Variants in ZNF385D observed in about 807,000 individuals in gnomAD.
ZNF385D encodes zinc finger protein 659.
ZNF385D carries 15 observed loss-of-function variants against 35.8 expected under a neutral mutation model. The observed-to-expected ratio is 0.42, with a 90% confidence interval of 0.28 to 0.64. The LOEUF is 0.64. Ranked by LOEUF, ZNF385D falls within the 30% of genes least tolerant of loss-of-function variation. ZNF385D has a pLI of 0.23. For synonymous variants in ZNF385D, 212 were observed against 186.8 expected, an observed-to-expected ratio of 1.13 and a Z score of -1.10; for missense variants, 474 against 494.6, an observed-to-expected ratio of 0.96 and a Z score of 0.39.
intron 1 of ZNF385D, among the ~76,000 whole-genome samples, chr3:21,689,846 G>C (rs895008888): frequency 2.8e-5 from 4 of 145,170 alleles, no homozygotes; most frequent in African/African-American, 7.7e-5. Context: ...AATATTCTCA[G>C]ATTAAATTGA....
At chr3:22,144,572 C>CAAAA (rs10536394) in intron 3 of ZNF385D, among the ~76,000 whole-genome samples, 2 of 67,546 alleles carry the variant, frequency 3.0e-5, no homozygotes, top group East Asian at 5.3e-4. Context: ...GACTCCATTT[C>CAAAA]AAAAAAAAAA....
intron 3 of ZNF385D, among the ~76,000 whole-genome samples, chr3:22,158,009 T>C (rs1705701395): frequency 6.6e-6 from 1 of 152,108 alleles, no homozygotes; most frequent in African/African-American, 2.4e-5. Flanking sequence ...CAAAGTCAGC[T>C]TTACAAGCGA....
At chr3:22,335,902 G>A (rs1695139752) in intron 2 of ZNF385D, among the ~76,000 whole-genome samples, 1 of 152,070 alleles carries the variant, frequency 6.6e-6, no homozygotes, top group Non-Finnish European at 1.5e-5. Flanking sequence ...ACATCTGGGT[G>A]TTTAGTATAA....
chr3:21,755,908 G>A (rs1559589888), upstream of ZNF385D, among the ~76,000 whole-genome samples: 1 of 152,186 alleles, frequency 6.6e-6, no homozygotes, highest in Non-Finnish European at 1.5e-5. Context: ...GTGCCAGGAA[G>A]AACAACAAGG....
chr3:21,921,222 C>CAAAA (rs11387962), intron 3 of ZNF385D, among the ~76,000 whole-genome samples: 1,446 of 68,414 alleles, frequency 0.021, 72 homozygotes, highest in East Asian at 0.063. Context: ...GACTCCATCT[C>CAAAA]AAAAAAAAAA....
In ZNF385D at chr3:21,811,154, T is replaced by A. The variant is rs191338709; in HGVS notation, c.326-146126A>T. Among the ~76,000 whole-genome samples, 92 of 152,202 alleles carry A rather than the reference T, an allele frequency of 6.0e-4. 1 individual carries two copies. The highest frequency in any genetic ancestry group is 4.1e-4 in the South Asian group (2 of 4,832). Reference sequence around the variant, plus strand: ...AAATCTTAAATCAGAATTGAAAATATCCGTATAAACTCATTGTATTCTGTT... The same window carrying A: ...AAATCTTAAATCAGAATTGAAAATAACCGTATAAACTCATTGTATTCTGTT... On this transcript the variant is annotated intron_variant, in intron 3 of 5. Transcript: ENST00000494108.
chr3:21,600,445 C>G (rs1358554019), intron 2 of ZNF385D, among the ~76,000 whole-genome samples: 1 of 152,154 alleles, frequency 6.6e-6, no homozygotes, highest in Non-Finnish European at 1.5e-5. Flanking sequence ...AACGATGCCT[C>G]TCAATAACAT....
chr3:22,225,918 C>A (rs774338533), intron 2 of ZNF385D, among the ~76,000 whole-genome samples: 5 of 152,122 alleles, frequency 3.3e-5, no homozygotes, highest in Non-Finnish European at 5.9e-5. Flanking sequence ...TTGTTGTGCA[C>A]GTGTGCACAT....
At chr3:22,261,681 G>A (rs539000812) in intron 2 of ZNF385D, among the ~76,000 whole-genome samples, 1 of 151,852 alleles carries the variant, frequency 6.6e-6, no homozygotes, top group Non-Finnish European at 1.5e-5. Context: ...ACCTGAAGGT[G>A]GGGGGATGCG....
chr3:22,005,048 C>G (rs1679251), intron 3 of ZNF385D, among the ~76,000 whole-genome samples: 53,461 of 104,500 alleles, frequency 0.51, 13,524 homozygotes, highest in African/African-American at 0.6. Context: ...ACTCAAACCA[C>G]TCAGCAGCAA....
chr3:21,630,709 T>G (rs953109632), intron 2 of ZNF385D, among the ~76,000 whole-genome samples: 1 of 152,156 alleles, frequency 6.6e-6, no homozygotes, highest in African/African-American at 2.4e-5. Flanking sequence ...CTAATCATTT[T>G]TCTCATCAGA....
intron 4 of ZNF385D, among the ~76,000 whole-genome samples, chr3:21,504,993 G>T (rs1482902270): frequency 6.6e-6 from 1 of 152,108 alleles, no homozygotes; most frequent in East Asian, 1.9e-4. Context: ...GATCTACAAG[G>T]CCAGGATGTG....
In ZNF385D at chr3:21,436,966, T is replaced by C; in HGVS notation, c.673+4A>G. On this transcript the variant is annotated splice_donor_region_variant and intron_variant, in intron 5 of 7. Coordinates refer to ENST00000281523, the MANE Select transcript of ZNF385D (RefSeq NM_024697.3). ...GAAACAAAAAAGAAATCGCTGCATC[T>C]CACCACTGTTGTGCGCCTCCAGCTG... 1 of 1,612,076 alleles carries C rather than the reference T, an allele frequency of 6.2e-7. No individual in the cohort carries two copies. The highest frequency in any genetic ancestry group is 8.5e-7 in the Non-Finnish European group (1 of 1,178,840).
At chr3:22,186,019 A>G (rs1695607051) in intron 2 of ZNF385D, among the ~76,000 whole-genome samples, 2 of 152,170 alleles carry the variant, frequency 1.3e-5, no homozygotes, top group Non-Finnish European at 2.9e-5. Context: ...ATATTTTACT[A>G]AAATTGTAAA....
At chr3:21,939,283 C>T (rs1279026764) in intron 3 of ZNF385D, among the ~76,000 whole-genome samples, 2 of 152,116 alleles carry the variant, frequency 1.3e-5, no homozygotes, top group Non-Finnish European at 2.9e-5. Flanking sequence ...AACATAATTG[C>T]ATTTAGTCAG....
Position 21,663,888 on chromosome 3 carries a change from C to T in ZNF385D, c.165+998G>A, listed in dbSNP as rs71310271. 1.8e-4 allele frequency among the ~76,000 whole-genome samples: 7 copies of T among 38,804 alleles called. 1 individual carries two copies. The highest frequency in any genetic ancestry group is 7.1e-4 in the African/African-American group (6 of 8,412). 25.5% of individuals were successfully genotyped at this position (38,804 alleles called of 152,430 possible). On this transcript the variant is annotated intron_variant, in intron 2 of 7. Coordinates refer to ENST00000281523, the MANE Select transcript of ZNF385D (RefSeq NM_024697.3). Reference sequence around the variant, plus strand: ...CCTGAAGAATTATTTAATTGTGGGCCGAATATATATATATATATATATATA... The same window carrying T: ...CCTGAAGAATTATTTAATTGTGGGCTGAATATATATATATATATATATATA...
At chr3:21,588,192 A>G (rs1292426604) in intron 2 of ZNF385D, among the ~76,000 whole-genome samples, 1 of 152,164 alleles carries the variant, frequency 6.6e-6, no homozygotes, top group East Asian at 1.9e-4. Context: ...TAGAAACACA[A>G]GGGAGGAAAT....
chr3:22,176,354 G>T (rs141427701), intron 2 of ZNF385D, among the ~76,000 whole-genome samples: 46 of 152,230 alleles, frequency 3.0e-4, no homozygotes, highest in Non-Finnish European at 7.4e-5. Context: ...AGCATTAATT[G>T]TTTTACATCA....
intron 3 of ZNF385D, among the ~76,000 whole-genome samples, chr3:21,886,368 A>T (rs259534): frequency 0.13 from 19,559 of 150,696 alleles, 1,544 homozygotes; most frequent in Middle Eastern, 0.17. Context: ...AATGAGGAAG[A>T]AAAAAAAAAC....
Sources: gnomAD v4.1 joint callset for allele counts (sites outside exome capture counted in the v4.1 genomes callset) on GRCh38, gnomAD v4.1.1 for gene constraint, MANE v1.5 for transcripts, NCBI Gene and HGNC (gene_info 2026-07-23, HGNC 2026-07-21) for gene names.